RNF149: variants seen among roughly 807,000 people sequenced by gnomAD.
RNF149 encodes ring finger protein 149, also known as E3 ubiquitin-protein ligase RNF149.
A neutral mutation model predicts 39.0 loss-of-function variants in RNF149; 21 were observed. That is an observed-to-expected ratio of 0.54 (90% CI 0.38 to 0.77). The LOEUF (loss-of-function observed/expected upper bound fraction) is 0.77. Among genes scored for constraint, RNF149 ranks in the 30% least tolerant of loss-of-function variants. RNF149 has a pLI of 0.00. For synonymous variants in RNF149, 209 were observed against 213.6 expected (o/e 0.98, Z 0.19); for missense variants, 493 against 534.9 (o/e 0.92, Z 0.77).
Position 101,282,207 on chromosome 2 carries a change from T to C in RNF149, c.961-150A>G, listed in dbSNP as rs115108097. On this transcript the variant is annotated intron_variant, in intron 5 of 6. Transcript: ENST00000295317. ...GCACATCAATGTCTCCCTTATCTAG[T>C]ATCACAAGAAAATGAATTCCTTCTC... The C allele has an allele frequency of 1.3e-3, 1,546 of 1,186,038 alleles. 11 individuals carry two copies. The African/African-American group carries it at 0.022, about 17-fold the overall frequency. The allele number at this position is 1,186,038 out of a possible 1,614,324, so 73.5% of individuals were successfully genotyped here.
rs1682337547 is a variant in RNF149 at position 101,276,171 on chromosome 2, ACT to A, written c.*1065_*1066del. The A allele has an allele frequency of 5.1e-6, 5 of 979,436 alleles. No homozygotes were observed. In the African/African-American group the frequency reaches 7.0e-5, roughly 14 times the overall value. 60.7% of individuals were successfully genotyped at this position (979,436 alleles called of 1,614,324 possible). On this transcript the variant is annotated 3_prime_UTR_variant, in exon 7 of 7. Transcript: ENST00000295317. ...GAGCAAGGAAAGACTATAATTCCAC[ACT>A]CTAAAAAATAACTGCCTCATACTCG...
At chr2:101,294,236 C>G in intron 2 of RNF149, 154 bp from the exon 3 acceptor site, 1 of 512,430 alleles carries the variant, frequency 2.0e-6, no homozygotes, top group Non-Finnish European at 3.5e-6. Flanking sequence ...CTTTTAATGG[C>G]AAAACTGCGA....
At chr2:101,278,226 G>A (rs1390587199) in intron 6 of RNF149, among the ~76,000 whole-genome samples, 2 of 151,866 alleles carry the variant, frequency 1.3e-5, no homozygotes, top group Non-Finnish European at 2.9e-5. Flanking sequence ...GTCACGGCTC[G>A]CTGCATCCTC....
rs114584284 is a variant in RNF149 at position 101,293,190 on chromosome 2, C to A, written c.780+824G>T. 6.3e-3 allele frequency among the ~76,000 whole-genome samples: 952 copies of A among 151,562 alleles called. 4 individuals carry two copies. The highest frequency in any genetic ancestry group is 0.022 in the African/African-American group (909 of 41,324). ...GCTAATGTGTTATTTTTGCTTTAAT[C>A]CTTTAAGGTCAAAGAAAGAGATATA... On this transcript the variant is annotated intron_variant, in intron 3 of 6. Coordinates refer to ENST00000295317, the MANE Select transcript of RNF149 (RefSeq NM_173647.4).
At chr2:101,294,666 C>A in intron 2 of RNF149, 2 of 359,298 alleles carry the variant, frequency 5.6e-6, no homozygotes, top group South Asian at 7.2e-5. Flanking sequence ...TTCATCACTC[C>A]TTTGGGTCTG....
downstream of RNF149, among the ~76,000 whole-genome samples, chr2:101,275,111 GTTTTTTTTTT>G (rs1165388203): frequency 5.9e-5 from 3 of 51,054 alleles, no homozygotes; most frequent in African/African-American, 2.6e-4. Context: ...TAGTATTTCT[GTTTTTTTTTT>G]TTTTTTTTTT....
chr2:101,294,057 A>G lies in RNF149; in HGVS notation c.737T>C (p.Val246Ala). 6.3e-7 allele frequency: 1 copy of G among 1,582,370 alleles called. No homozygotes were observed. Among genetic ancestry groups the G allele is most frequent in the Non-Finnish European group, 8.7e-7 (1 of 1,152,564 alleles). The change falls in exon 3 of 7, where the codon GTT (valine) becomes GCT (alanine). Residue 246 changes from valine (V) to alanine (A), a missense_variant. Physicochemically the swap from Val to Ala is moderately conservative, Grantham distance 64 (BLOSUM62 0). Transcript: ENST00000295317. The stretch of plus-strand genomic sequence containing the variant: ...AGTATGAAGTAGAAGCTGGCCAATA[A>G]CTTTCTTAGTTTCTTTTCTATGGCT... ...SQSHRKETKK[V>A]IGQLLLHTVK...
Position 101,292,562 on chromosome 2 carries a change from G to C in RNF149, c.780+1452C>G, listed in dbSNP as rs188165117. 6.2e-3 allele frequency among the ~76,000 whole-genome samples: 949 copies of C among 152,180 alleles called. 4 individuals are homozygous for C. Among genetic ancestry groups the C allele is most frequent in the African/African-American group, 0.022 (906 of 41,504 alleles). On this transcript the variant is annotated intron_variant, in intron 3 of 6. Transcript: ENST00000295317. ...CAGGTGGATCACGAGGTCAGGAGAT[G>C]GAGACCATCCTGGCTAACACGGTGA...
At chr2:101,274,850 G>A (rs530366839), downstream of RNF149, among the ~76,000 whole-genome samples, 85 of 151,276 alleles carry the variant, frequency 5.6e-4, no homozygotes, top group Admixed American at 1.6e-3. Context: ...GCAATGGCAC[G>A]ATCTCGGCTC....
chr2:101,276,591 C>T lies in RNF149; in HGVS notation c.*647G>A. 1.0e-6 allele frequency: 1 copy of T among 985,696 alleles called. No individual in the cohort carries two copies. Among genetic ancestry groups the T allele is most frequent in the South Asian group, 4.7e-5 (1 of 21,290 alleles). 61.1% of individuals were successfully genotyped at this position (985,696 alleles called of 1,614,324 possible). ...TAGGAAAAAATAAACAGATTTCCCT[C>T]CCCAACAAGGCGTCACAAGAAATGA... On this transcript the variant is annotated 3_prime_UTR_variant, in exon 7 of 7. Transcript: ENST00000295317.
chr2:101,298,750 TG>T (rs1226122564), intron 1 of RNF149, among the ~76,000 whole-genome samples: 3 of 152,242 alleles, frequency 2.0e-5, no homozygotes, highest in African/African-American at 7.2e-5. Flanking sequence ...CCCCAGAGAC[TG>T]GAGACCATGA....
At position 101,308,275 on chromosome 2, in the gene RNF149, C is replaced by T; in HGVS notation, c.314G>A (p.Gly105Glu). ...RFFVPEPGGRGAAPWVALVAR... is the reference protein window; with the variant it reads ...RFFVPEPGGREAAPWVALVAR... ...CACCAGGGCGACCCAGGGCGCGGCC[C>T]CTCGGCCGCCGGGCTCGGGCACGAA... Residue 105 changes from glycine to glutamate, a missense_variant, in exon 1 of 7, where the codon GGG (glycine) becomes GAG (glutamate). Coordinates refer to ENST00000295317, the MANE Select transcript of RNF149 (RefSeq NM_173647.4). 6.3e-7 allele frequency: 1 copy of T among 1,578,118 alleles called. No individual in the cohort carries two copies. The highest frequency in any genetic ancestry group is 8.6e-7 in the Non-Finnish European group (1 of 1,164,370).
At chr2:101,286,001 T>C (rs1444015039) in intron 5 of RNF149, 80 bp downstream of exon 5, 1 of 819,818 alleles carries the variant, frequency 1.2e-6, no homozygotes, top group Non-Finnish European at 2.1e-6. Context: ...CCTGTTCCTC[T>C]TGTTTCTAGT....
intron 1 of RNF149, among the ~76,000 whole-genome samples, chr2:101,305,965 C>T (rs1558797812): frequency 2.0e-5 from 3 of 152,116 alleles, no homozygotes; most frequent in Non-Finnish European, 4.4e-5. Flanking sequence ...TAAATTGTTT[C>T]GTTGGTCTTT....
At chr2:101,274,349 T>C (rs1052802508), downstream of RNF149, among the ~76,000 whole-genome samples, 19 of 152,196 alleles carry the variant, frequency 1.2e-4, no homozygotes, top group African/African-American at 4.3e-4. Context: ...TGTCATCAAA[T>C]TTCTCCCTGC....
intron 4 of RNF149, among the ~76,000 whole-genome samples, chr2:101,287,103 C>A (rs1682823238): frequency 6.6e-6 from 1 of 152,162 alleles, no homozygotes; most frequent in African/African-American, 2.4e-5. Context: ...GGGTGGATCA[C>A]CTGAGGTCAG....
At chr2:101,293,955 C>T (rs1478454192) in intron 3 of RNF149, 59 bp downstream of exon 3, 3 of 961,970 alleles carry the variant, frequency 3.1e-6, no homozygotes, top group Non-Finnish European at 4.9e-6. Context: ...AAAATAAACA[C>T]GTACAGCATA....
At chr2:101,298,371 G>T (rs986115684) in intron 1 of RNF149, among the ~76,000 whole-genome samples, 2 of 152,152 alleles carry the variant, frequency 1.3e-5, no homozygotes, top group Admixed American at 1.3e-4. Context: ...GTTGCAGTGA[G>T]CTGAGATCAC....
At position 101,288,988 on chromosome 2, in the gene RNF149, CTAA is replaced by C; in HGVS notation, c.845_847del (p.Ile282del). ...AAGAACATACTTGCATGGCAGAATT[CTAA>C]TAATATCCTTTACTTTGAAATTTTC... On this transcript the variant is annotated inframe_deletion, in exon 4 of 7. Coordinates refer to ENST00000295317, the MANE Select transcript of RNF149 (RefSeq NM_173647.4). The C allele has an allele frequency of 6.4e-7, 1 of 1,554,508 alleles. No homozygotes were observed. The highest frequency in any genetic ancestry group is 2.3e-5 in the East Asian group (1 of 44,438).
Sources: gnomAD v4.1 joint callset for allele counts (sites outside exome capture counted in the v4.1 genomes callset) on GRCh38, gnomAD v4.1.1 for gene constraint, MANE v1.5 for transcripts, NCBI Gene and HGNC (gene_info 2026-07-23, HGNC 2026-07-21) for gene names.